Variants in DOCK10 observed in about 807,000 individuals in gnomAD.
The protein encoded by DOCK10 is dedicator of cytokinesis protein 10.
Under a neutral mutation model 280.1 loss-of-function variants are expected in DOCK10, and 145 were observed. That is an observed-to-expected ratio of 0.52 (90% CI 0.45 to 0.59). The LOEUF (loss-of-function observed/expected upper bound fraction) is 0.59. Ranked by LOEUF, DOCK10 falls within the 20% of genes least tolerant of loss-of-function variation. The probability of loss-of-function intolerance (pLI) is 0.00; values close to 1 mark genes in which losing one functional copy is unlikely to be tolerated. For missense variants in DOCK10, 2,368 were observed against 2,651.7 expected (o/e 0.89, Z 2.35); for synonymous variants, 915 against 942.2 (o/e 0.97, Z 0.53).
chr2:224,962,982 T>C (rs1429062981), intron 1 of DOCK10, among the ~76,000 whole-genome samples: 1 of 152,162 alleles, frequency 6.6e-6, no homozygotes, highest in Non-Finnish European at 1.5e-5. Flanking sequence ...ATTGGGAGAT[T>C]TTTGTATATA....
chr2:225,036,629 T>C (rs938685331), intron 1 of DOCK10, among the ~76,000 whole-genome samples: 1 of 152,202 alleles, frequency 6.6e-6, no homozygotes, highest in Non-Finnish European at 1.5e-5. Flanking sequence ...ACACTCTCAA[T>C]GACGAGACTC....
chr2:224,989,675 G>T (rs1706076950), intron 1 of DOCK10, among the ~76,000 whole-genome samples: 1 of 152,138 alleles, frequency 6.6e-6, no homozygotes, highest in East Asian at 1.9e-4. Flanking sequence ...CCCCCCGCCA[G>T]GTCTGAACTC....
rs57683084 is a variant in DOCK10, at chr2:224,833,655, ATCTC to A, written c.2964+491_2964+494del. ...TCTAACATACAATATCTATCTATGT[ATCTC>A]TCTCTCTCTCTCTCTCTGGTCTTGT... On this transcript the variant is annotated intron_variant, in intron 26 of 55. Transcript: ENST00000258390. Among the ~76,000 whole-genome samples, 23 of 149,086 alleles carry A rather than the reference ATCTC, an allele frequency of 1.5e-4. 1 individual carries two copies. The highest frequency in any genetic ancestry group is 5.9e-4 in the East Asian group (3 of 5,126).
chr2:224,912,189 G>A (rs1701054214), intron 3 of DOCK10, among the ~76,000 whole-genome samples: 1 of 150,940 alleles, frequency 6.6e-6, no homozygotes, highest in African/African-American at 2.4e-5. Flanking sequence ...TGCCCAGGCT[G>A]GAATGACGCG....
chr2:224,873,116 C>A (rs917626508), intron 11 of DOCK10, among the ~76,000 whole-genome samples: 2 of 152,248 alleles, frequency 1.3e-5, no homozygotes, highest in African/African-American at 4.8e-5. Flanking sequence ...CATGTCCCAT[C>A]CTACTAGTAT....
intron 1 of DOCK10, among the ~76,000 whole-genome samples, chr2:224,935,623 G>A (rs1702641979): frequency 6.6e-6 from 1 of 152,172 alleles, no homozygotes; most frequent in Non-Finnish European, 1.5e-5. Flanking sequence ...AAATGGTTTA[G>A]TTAGTGCTGC....
chr2:224,856,994 T>C lies in DOCK10; in HGVS notation c.1686-12A>G. 1 of 1,594,298 alleles carries C rather than the reference T, an allele frequency of 6.3e-7. No homozygotes were observed. Among genetic ancestry groups the C allele is most frequent in the Non-Finnish European group, 8.5e-7 (1 of 1,170,022 alleles). Reference sequence around the variant, plus strand: ...CCTTAAATACTGATCTAAAAGAAAATATTTATTCAGGTTGGTAGTTGGATA... The same window carrying C: ...CCTTAAATACTGATCTAAAAGAAAACATTTATTCAGGTTGGTAGTTGGATA... On this transcript the variant is annotated splice_polypyrimidine_tract_variant and intron_variant, in intron 14 of 55. Coordinates refer to ENST00000258390, the MANE Select transcript of DOCK10 (RefSeq NM_014689.3).
intron 3 of DOCK10, among the ~76,000 whole-genome samples, chr2:224,912,120 A>G (rs1701048051): frequency 6.6e-6 from 1 of 151,266 alleles, no homozygotes; most frequent in African/African-American, 2.4e-5. Flanking sequence ...GTTGCTTCCA[A>G]TTCTGGCAGC....
intron 39 of DOCK10, among the ~76,000 whole-genome samples, chr2:224,803,477 A>C (rs780985339): frequency 2.0e-5 from 3 of 152,072 alleles, no homozygotes; most frequent in African/African-American, 7.2e-5. Context: ...AATTTTAGCA[A>C]AGAATTCTCA....
At chr2:224,834,094 G>T in intron 26 of DOCK10, 56 bp downstream of exon 26, 1 of 1,013,752 alleles carries the variant, frequency 9.9e-7, no homozygotes, top group South Asian at 1.3e-5. Flanking sequence ...TTTTCCAGGA[G>T]TAAGCGTGAC....
rs1201609470 is a variant in DOCK10, at chr2:224,921,112, A to AATATATATATATAT, written c.244-4342_244-4329dup. ...TCTATTAAAAAAAAAAAAAAAAAAAAATATATATATATATATATATATAAT... is the reference window on the plus strand; with the variant it reads ...TCTATTAAAAAAAAAAAAAAAAAAAAATATATATATATATATATATATATATATATATATATAAT... On this transcript the variant is annotated intron_variant, in intron 2 of 55. Transcript: ENST00000258390. 5.0e-4 allele frequency among the ~76,000 whole-genome samples: 27 copies of AATATATATATATAT among 54,392 alleles called. 2 individuals carry two copies. Among genetic ancestry groups the AATATATATATATAT allele is most frequent in the African/African-American group, 3.3e-3 (21 of 6,354 alleles). 35.7% of individuals were successfully genotyped at this position (54,392 alleles called of 152,430 possible).
Position 224,979,821 on chromosome 2 carries a change from T to G in DOCK10, c.124-48153A>C, listed in dbSNP as rs74676689. Among the ~76,000 whole-genome samples the G allele has an allele frequency of 8.2e-3, 1,245 of 152,278 alleles. 11 individuals are homozygous for G. The highest frequency in any genetic ancestry group is 0.028 in the African/African-American group (1,152 of 41,562). On this transcript the variant is annotated intron_variant, in intron 1 of 55. Coordinates refer to ENST00000258390, the MANE Select transcript of DOCK10 (RefSeq NM_014689.3). ...ATCAAACCCATACAACTGCTCTAAT[T>G]TGATAAAATTTCTATCCTCATTTTA...
chr2:224,828,936 TTGTCTGTTCC>T (rs149442602), intron 27 of DOCK10, among the ~76,000 whole-genome samples: 7,591 of 152,280 alleles, frequency 0.05, 273 homozygotes, highest in South Asian at 0.088. Context: ...CATGGTTCCT[TTGTCTGTTCC>T]TGGACCTGAG....
At chr2:224,873,850 T>C (rs1698454445) in intron 11 of DOCK10, 146 bp downstream of exon 11, 1 of 767,480 alleles carries the variant, frequency 1.3e-6, no homozygotes, top group Non-Finnish European at 2.0e-6. Flanking sequence ...ACTTGTGTAA[T>C]GTGGGAAAAG....
At chr2:225,010,185 G>A (rs532213603) in intron 1 of DOCK10, among the ~76,000 whole-genome samples, 31 of 152,246 alleles carry the variant, frequency 2.0e-4, no homozygotes, top group African/African-American at 7.0e-4. Flanking sequence ...ACCAAGCCAG[G>A]CATTTTCCTA....
chr2:224,841,107 G>T, intron 23 of DOCK10, among the ~76,000 whole-genome samples: 1 of 152,174 alleles, frequency 6.6e-6, no homozygotes, highest in East Asian at 1.9e-4. Flanking sequence ...AGGGGCTAGG[G>T]AGGGGAGTGC....
At chr2:224,820,487 C>T (rs1050443285) in intron 28 of DOCK10, among the ~76,000 whole-genome samples, 1 of 152,212 alleles carries the variant, frequency 6.6e-6, no homozygotes, top group Non-Finnish European at 1.5e-5. Flanking sequence ...TATTCACCCA[C>T]GTGGGTGTGA....
At chr2:224,934,200 A>G (rs1702555313) in intron 1 of DOCK10, among the ~76,000 whole-genome samples, 1 of 152,212 alleles carries the variant, frequency 6.6e-6, no homozygotes, top group African/African-American at 2.4e-5. Context: ...AAGCATCTAA[A>G]GGCATAATTT....
intron 3 of DOCK10, among the ~76,000 whole-genome samples, chr2:224,904,564 G>A (rs1700476779): frequency 3.9e-5 from 6 of 152,142 alleles, no homozygotes; most frequent in Admixed American, 3.9e-4. Context: ...CTGGTCTAAA[G>A]TTAAATACAT....
Sources: gnomAD v4.1 joint callset for allele counts (sites outside exome capture counted in the v4.1 genomes callset) on GRCh38, gnomAD v4.1.1 for gene constraint, MANE v1.5 for transcripts, NCBI Gene and HGNC (gene_info 2026-07-23, HGNC 2026-07-21) for gene names.